Variants in NSF observed in about 807,000 individuals in gnomAD.
NSF encodes N-ethylmaleimide sensitive factor, vesicle fusing ATPase, also known as vesicle-fusing ATPase.
In NSF, 14 loss-of-function variants were observed where a neutral mutation model predicts 50.3. That is an observed-to-expected ratio of 0.28 (90% confidence interval 0.18 to 0.44). NSF has a LOEUF of 0.44. NSF is among the 20% of genes least tolerant of loss of function. NSF has a pLI of 1.00. For synonymous variants in NSF, 109 were observed against 175.7 expected (o/e 0.62, Z 3.00); for missense variants, 218 against 504.3 (o/e 0.43, Z 5.44).
chr17:46,725,414 C>T (rs1304591042), intron 15 of NSF, among the ~76,000 whole-genome samples: 1 of 152,060 alleles, frequency 6.6e-6, no homozygotes, highest in Non-Finnish European at 1.5e-5. Flanking sequence ...AAAACGTTTT[C>T]ACCAGAGGGG....
intron 15 of NSF, among the ~76,000 whole-genome samples, chr17:46,724,277 GGA>G (rs1394114546): frequency 6.6e-6 from 1 of 152,184 alleles, no homozygotes; most frequent in African/African-American, 2.4e-5. Context: ...CTGCATGAAA[GGA>G]CAACCCGAAA....
At chr17:46,721,233 T>G (rs560388229) in intron 15 of NSF, among the ~76,000 whole-genome samples, 10 of 152,350 alleles carry the variant, frequency 6.6e-5, no homozygotes, top group African/African-American at 2.4e-4. Flanking sequence ...CACCTTTGCA[T>G]GCAAGAGAGG....
At position 46,746,384 on chromosome 17, in the gene NSF, G is replaced by A. The variant is rs575955945; in HGVS notation, c.1909-3389G>A. 2.0e-5 allele frequency among the ~76,000 whole-genome samples: 3 copies of A among 152,214 alleles called. No individual in the cohort carries two copies. The South Asian group carries it at 6.2e-4, about 32-fold the overall frequency. On this transcript the variant is annotated intron_variant, in intron 17 of 20. Transcript: ENST00000398238. The stretch of plus-strand genomic sequence containing the variant: ...CTTGCCCATTCTTGGCACAGCAGGT[G>A]GATAAAAACAATGAGTAACATTGAG...
intron 17 of NSF, among the ~76,000 whole-genome samples, chr17:46,729,840 G>C (rs1394995794): frequency 6.6e-6 from 1 of 152,000 alleles, no homozygotes; most frequent in Non-Finnish European, 1.5e-5. Context: ...TAAATGACTT[G>C]TCTTGGTTTT....
intron 13 of NSF, among the ~76,000 whole-genome samples, chr17:46,707,626 A>G (rs1451277999): frequency 1.3e-5 from 2 of 152,164 alleles, no homozygotes; most frequent in Non-Finnish European, 2.9e-5. Context: ...TGTAAGTGGA[A>G]TCATAGTATT....
chr17:46,721,011 G>T (rs1016914399), intron 15 of NSF, among the ~76,000 whole-genome samples: 1 of 152,190 alleles, frequency 6.6e-6, no homozygotes, highest in African/African-American at 2.4e-5. Flanking sequence ...CTCCCCAGTT[G>T]TCTGAAGATC....
intron 9 of NSF, among the ~76,000 whole-genome samples, chr17:46,679,623 C>T (rs1190758609): frequency 2.3e-5 from 3 of 132,264 alleles, no homozygotes; most frequent in Non-Finnish European, 4.8e-5. Flanking sequence ...ACCCGGGAGG[C>T]GGAGATTGCA....
chr17:46,748,729 T>C (rs1367875274), intron 17 of NSF, among the ~76,000 whole-genome samples: 1 of 152,214 alleles, frequency 6.6e-6, no homozygotes, highest in Admixed American at 6.5e-5. Context: ...AACACAACTT[T>C]AAACTATGTA....
At chr17:46,711,985 A>G (rs2058724139) in intron 14 of NSF, among the ~76,000 whole-genome samples, 1 of 152,196 alleles carries the variant, frequency 6.6e-6, no homozygotes, top group Non-Finnish European at 1.5e-5. Flanking sequence ...GCCATATTAA[A>G]GATTTAAACT....
At chr17:46,710,322 G>A (rs2058706895) in intron 13 of NSF, among the ~76,000 whole-genome samples, 2 of 152,168 alleles carry the variant, frequency 1.3e-5, no homozygotes, top group African/African-American at 4.8e-5. Flanking sequence ...TGACAATGAA[G>A]AAGGGTGCAA....
intron 15 of NSF, chr17:46,722,191 A>G (rs2058838159): frequency 3.7e-6 from 6 of 1,602,142 alleles, no homozygotes; most frequent in Admixed American, 1.7e-5. Flanking sequence ...GAGAACTTGC[A>G]GCGCCTGCTT....
intron 13 of NSF, among the ~76,000 whole-genome samples, chr17:46,709,731 G>T (rs1286645827): frequency 6.6e-6 from 1 of 152,100 alleles, no homozygotes; most frequent in Non-Finnish European, 1.5e-5. Context: ...CATACCTCAG[G>T]TGATCCACCC....
In NSF at chr17:46,722,098, G is replaced by T. The variant is rs2058836777; in HGVS notation, c.1762-4451G>T. On this transcript the variant is annotated intron_variant, in intron 15 of 20. Transcript: ENST00000398238. ...TCTCCAGCTCCAGAAGAGCCTGGGA[G>T]ATGGCCGGACTCGAACTCGTCCGGC... 13 of 1,611,442 alleles carry T rather than the reference G, an allele frequency of 8.1e-6. No homozygotes were observed. The Admixed American group carries it at 2.2e-4, about 27-fold the overall frequency.
At chr17:46,721,808 C>T (rs1374255836) in intron 15 of NSF, 18 of 1,599,234 alleles carry the variant, frequency 1.1e-5, no homozygotes, top group African/African-American at 5.4e-5. Context: ...TGTCAGAGTA[C>T]GGCTCCTGGG....
chr17:46,752,007 T>C (rs2059185816), intron 19 of NSF, among the ~76,000 whole-genome samples: 1 of 152,196 alleles, frequency 6.6e-6, no homozygotes, highest in Non-Finnish European at 1.5e-5. Flanking sequence ...GGGATGGTGT[T>C]GCACCTCAAG....
intron 14 of NSF, among the ~76,000 whole-genome samples, chr17:46,712,993 G>A (rs2146265104): frequency 6.6e-6 from 1 of 152,322 alleles, no homozygotes; most frequent in African/African-American, 2.4e-5. Flanking sequence ...AGCCTGTTCA[G>A]TGTAATGGGG....
intron 19 of NSF, 99 bp from the exon 20 acceptor site, chr17:46,755,215 T>C (rs890278502): frequency 3.6e-6 from 3 of 836,484 alleles, no homozygotes; most frequent in Middle Eastern, 4.4e-4. Flanking sequence ...TAGCAGAGCA[T>C]TGATGAAGTG....
At chr17:46,707,514 C>G (rs1264317347) in intron 13 of NSF, among the ~76,000 whole-genome samples, 1 of 152,130 alleles carries the variant, frequency 6.6e-6, no homozygotes, top group African/African-American at 2.4e-5. Context: ...AACTGAAACT[C>G]TATACCCATT....
rs1181108894 is a variant in NSF, at chr17:46,719,698, A to G, written c.1761+5712A>G. Among the ~76,000 whole-genome samples, 1 of 152,158 alleles carries G rather than the reference A, an allele frequency of 6.6e-6. No individual in the cohort carries two copies. Among genetic ancestry groups the G allele is most frequent in the Non-Finnish European group, 1.5e-5 (1 of 68,018 alleles). ...AATTCCTTTATCCATTTTTGCATCAATACTTGTTTAAAAATCTATTTTACT... is the reference window on the plus strand; with the variant it reads ...AATTCCTTTATCCATTTTTGCATCAGTACTTGTTTAAAAATCTATTTTACT... On this transcript the variant is annotated intron_variant, in intron 15 of 20. Coordinates refer to ENST00000398238, the MANE Select transcript of NSF (RefSeq NM_006178.4). The surrounding 1 kb of genome is among the most constrained non-coding windows in gnomAD (Gnocchi z 4.3).
Sources: gnomAD v4.1 joint callset for allele counts (sites outside exome capture counted in the v4.1 genomes callset) on GRCh38, gnomAD v4.1.1 for gene constraint, Gnocchi (gnomAD v3.1) non-coding constraint, MANE v1.5 for transcripts, NCBI Gene and HGNC (gene_info 2026-07-23, HGNC 2026-07-21) for gene names.